XRCC5: variants seen among roughly 807,000 people sequenced by gnomAD.
The protein encoded by XRCC5 is DNA repair protein Ku80.
Under a neutral mutation model 95.7 loss-of-function variants are expected in XRCC5, and 12 were observed. The ratio of observed to expected loss-of-function variants is 0.13; its 90% confidence interval spans 0.08 to 0.20. The LOEUF (loss-of-function observed/expected upper bound fraction) is 0.20, where lower values mean the gene tolerates loss of function less well. Among genes scored for constraint, XRCC5 ranks in the 10% least tolerant of loss-of-function variants. XRCC5 has a pLI of 1.00. For synonymous variants in XRCC5, 281 were observed against 290.3 expected, an observed-to-expected ratio of 0.97 and a Z score of 0.33; for missense variants, 595 against 873.9, an observed-to-expected ratio of 0.68 and a Z score of 4.02.
At chr2:216,131,708 C>T (rs1696995974) in intron 9 of XRCC5, among the ~76,000 whole-genome samples, 1 of 152,186 alleles carries the variant, frequency 6.6e-6, no homozygotes, top group Non-Finnish European at 1.5e-5. Flanking sequence ...GGAGGAAATG[C>T]AAACCACTTA....
At chr2:216,131,932 A>G (rs1303273219) in intron 9 of XRCC5, among the ~76,000 whole-genome samples, 4 of 152,082 alleles carry the variant, frequency 2.6e-5, no homozygotes, top group Admixed American at 6.5e-5. Context: ...TTGTCCTTTT[A>G]AGTCTCGACT....
chr2:216,156,213 T>G (rs1442390732), intron 14 of XRCC5: 3 of 433,478 alleles, frequency 6.9e-6, no homozygotes, highest in Non-Finnish European at 1.3e-5. Context: ...ATATGAGTCC[T>G]TGTGATTCGT....
intron 7 of XRCC5, 121 bp from the exon 8 acceptor site, chr2:216,127,415 T>C: frequency 2.6e-6 from 3 of 1,171,498 alleles, no homozygotes; most frequent in South Asian, 4.1e-5. Flanking sequence ...GCAAACAAAA[T>C]AATGGAGCTA....
At chr2:216,157,885 A>G (rs182960639) in intron 14 of XRCC5, among the ~76,000 whole-genome samples, 2 of 152,326 alleles carry the variant, frequency 1.3e-5, no homozygotes, top group African/African-American at 4.8e-5. Context: ...GCGCCTTCAT[A>G]GATAATTTAG....
chr2:216,118,532 GA>G (rs1206870827), intron 4 of XRCC5, among the ~76,000 whole-genome samples: 1 of 152,126 alleles, frequency 6.6e-6, no homozygotes, highest in Non-Finnish European at 1.5e-5. Flanking sequence ...TATCTCTGGA[GA>G]CATATATGTG....
chr2:216,205,076 T>TACATGCATGCCTTCCAATGTAGA, intron 20 of XRCC5, 112 bp from the exon 21 acceptor site: 1 of 1,265,762 alleles, frequency 7.9e-7, no homozygotes, highest in Non-Finnish European at 1.2e-6. Flanking sequence ...AATGAGCAAG[T>TACATGCATGCCTTCCAATGTAGA]ACATGCATGC....
At chr2:216,146,945 A>G (rs959699825) in intron 13 of XRCC5, among the ~76,000 whole-genome samples, 1 of 152,242 alleles carries the variant, frequency 6.6e-6, no homozygotes, top group Non-Finnish European at 1.5e-5. Context: ...TTCATTCAGC[A>G]GTAAAGAAGA....
chr2:216,188,933 A>G (rs1328804328), intron 16 of XRCC5, among the ~76,000 whole-genome samples: 1 of 152,240 alleles, frequency 6.6e-6, no homozygotes, highest in Non-Finnish European at 1.5e-5. Flanking sequence ...AATGGAGATC[A>G]TAATCTCCGA....
chr2:216,189,683 G>A (rs529559776), intron 16 of XRCC5, among the ~76,000 whole-genome samples: 2 of 152,262 alleles, frequency 1.3e-5, no homozygotes, highest in Admixed American at 6.5e-5. Flanking sequence ...TTTCTCATTC[G>A]AAAGGGATAT....
chr2:216,137,599 T>C (rs149130819), intron 11 of XRCC5, among the ~76,000 whole-genome samples: 5 of 152,366 alleles, frequency 3.3e-5, no homozygotes, highest in African/African-American at 2.4e-5. Context: ...TGGAACCAAA[T>C]AGAGAAATTA....
chr2:216,141,286 A>T lies in XRCC5; in HGVS notation c.1443A>T (p.Lys481Asn). ...TTGAAGACTTGTTTCCAACCACCAA[A>T]ATCCCAAATCCTCGATTTCAGAGAT... ...DTLEDLFPTT[K>N]IPNPRFQRLF... is the part of the protein sequence containing the mutation. The change falls in exon 13 of 21, where the codon AAA (lysine) becomes AAT (asparagine). Residue 481 changes from lysine to asparagine, a missense_variant. By Grantham distance (94) the Lys-to-Asn change is moderately conservative (BLOSUM62 0). Coordinates refer to ENST00000392132, the MANE Select transcript of XRCC5 (RefSeq NM_021141.4). 6.2e-7 allele frequency: 1 copy of T among 1,614,120 alleles called. No homozygotes were observed. Among genetic ancestry groups the T allele is most frequent in the Non-Finnish European group, 8.5e-7 (1 of 1,179,984 alleles).
chr2:216,183,609 A>G (rs1574483029), intron 16 of XRCC5, among the ~76,000 whole-genome samples: 2 of 152,178 alleles, frequency 1.3e-5, no homozygotes, highest in Non-Finnish European at 2.9e-5. Flanking sequence ...GGTCATGCAT[A>G]ATATTATGGC....
intron 14 of XRCC5, among the ~76,000 whole-genome samples, chr2:216,157,260 G>A (rs1460490378): frequency 6.6e-6 from 1 of 150,426 alleles, no homozygotes; most frequent in Non-Finnish European, 1.5e-5. Flanking sequence ...TTGAGACGGA[G>A]TGTCACTCTG....
chr2:216,201,878 C>A (rs1422666942), intron 19 of XRCC5, among the ~76,000 whole-genome samples: 3 of 152,150 alleles, frequency 2.0e-5, no homozygotes, highest in Non-Finnish European at 4.4e-5. Flanking sequence ...ATCAGCCTTG[C>A]CTGGGGCATT....
At chr2:216,171,528 G>A (rs945822392) in intron 16 of XRCC5, among the ~76,000 whole-genome samples, 4 of 152,086 alleles carry the variant, frequency 2.6e-5, no homozygotes, top group Admixed American at 2.0e-4. Context: ...TTAAAGGCCC[G>A]TTTTTATTTT....
intron 13 of XRCC5, among the ~76,000 whole-genome samples, chr2:216,147,850 C>T (rs2106018904): frequency 6.6e-6 from 1 of 152,242 alleles, no homozygotes; most frequent in East Asian, 1.9e-4. Context: ...CCAGGAGGTC[C>T]AGAGCAGAAG....
chr2:216,168,744 T>G (rs1689097674), intron 16 of XRCC5, among the ~76,000 whole-genome samples: 1 of 152,226 alleles, frequency 6.6e-6, no homozygotes, highest in Admixed American at 6.5e-5. Flanking sequence ...GAGCTTTATT[T>G]CTTATAAAGG....
intron 15 of XRCC5, 64 bp downstream of exon 15, chr2:216,160,225 C>T: frequency 8.8e-7 from 1 of 1,142,288 alleles, no homozygotes; most frequent in Non-Finnish European, 1.3e-6. Context: ...AGGGAGAGTG[C>T]ATCAATTTTT....
intron 16 of XRCC5, among the ~76,000 whole-genome samples, chr2:216,164,588 G>C (rs762692318): frequency 2.2e-4 from 34 of 152,192 alleles, no homozygotes; most frequent in Admixed American, 1.5e-3. Flanking sequence ...TGGTTGGCTA[G>C]TCCAGAGGCT....
Sources: gnomAD v4.1 joint callset for allele counts (sites outside exome capture counted in the v4.1 genomes callset) on GRCh38, gnomAD v4.1.1 for gene constraint, MANE v1.5 for transcripts, NCBI Gene and HGNC (gene_info 2026-07-23, HGNC 2026-07-21) for gene names.